The following TNFAIP8 variants were observed in gnomAD, a reference collection of about 807,000 sequenced individuals.
TNFAIP8 encodes tumor necrosis factor alpha-induced protein 8.
In TNFAIP8, 7 loss-of-function variants were observed where a neutral mutation model predicts 13.3. The observed-to-expected ratio is 0.52, with a 90% CI of 0.30 to 0.99. TNFAIP8 has a LOEUF of 0.99. Ranked by LOEUF, TNFAIP8 falls within the 50% of genes least tolerant of loss-of-function variation. The pLI, the probability that TNFAIP8 is intolerant of heterozygous loss-of-function variation, is 0.07. For missense variants in TNFAIP8, 258 were observed against 236.9 expected (o/e 1.09, Z -0.58); for synonymous variants, 94 against 87.6 (o/e 1.07, Z -0.41).
chr5:119,393,442 A>G lies in TNFAIP8; in HGVS notation c.*61A>G. On this transcript the variant is annotated 3_prime_UTR_variant, in exon 2 of 2. Transcript: ENST00000504771. ...TTTGAAGATGGAGCACTGCTGATTT[A>G]TGAAGGAAAAAAGAAGAATTTTCTA... The G allele has an allele frequency of 1.4e-6, 2 of 1,443,772 alleles. No homozygotes were observed. Among genetic ancestry groups the G allele is most frequent in the South Asian group, 2.7e-5 (2 of 74,084 alleles). 89.4% of individuals were successfully genotyped at this position (1,443,772 alleles called of 1,614,324 possible).
At chr5:119,313,253 AT>A (rs1244542557) in intron 1 of TNFAIP8, among the ~76,000 whole-genome samples, 1 of 152,238 alleles carries the variant, frequency 6.6e-6, no homozygotes, top group Non-Finnish European at 1.5e-5. Flanking sequence ...TCCAAAGAAA[AT>A]TCTTCTGCTT....
rs573384364 is a variant in TNFAIP8, at chr5:119,396,657, C to G, written c.*3276C>G. 122 of 152,162 alleles carry G rather than the reference C, an allele frequency of 8.0e-4. 1 individual carries two copies. The highest frequency in any genetic ancestry group is 2.6e-3 in the African/African-American group (110 of 41,514). The allele number at this position is 152,162 out of a possible 1,614,324, so 9.4% of individuals were successfully genotyped here. A position where few individuals can be genotyped will look rare whatever the true frequency, so the allele number is the denominator to read the frequency against. On this transcript the variant is annotated 3_prime_UTR_variant, in exon 2 of 2. Transcript: ENST00000504771. ...AGTTAAGTTAAGAAATAGCCTTTTT[C>G]TGATTATTAGGCCTTTCATATACAA...
At position 119,358,934 on chromosome 5, in the gene TNFAIP8, C is replaced by T. The variant is rs192504449; in HGVS notation, c.31+2813C>T. Among the ~76,000 whole-genome samples the T allele has an allele frequency of 4.0e-3, 602 of 152,232 alleles. 2 individuals are homozygous for T. Among genetic ancestry groups the T allele is most frequent in the African/African-American group, 0.014 (564 of 41,518 alleles). On this transcript the variant is annotated intron_variant, in intron 1 of 1. Coordinates refer to ENST00000504771, the MANE Select transcript of TNFAIP8 (RefSeq NM_014350.4). ...GATTGAGTGGTGAGTGAGTCTGGCT[C>T]GCTCCTCCATTGCCCATAGTAGCCA... is the stretch of plus-strand genomic sequence containing the variant.
intron 1 of TNFAIP8, among the ~76,000 whole-genome samples, chr5:119,384,889 G>A (rs1752614329): frequency 6.6e-6 from 1 of 152,184 alleles, no homozygotes. Context: ...CTGATATGAA[G>A]TTAGAGGAGT....
chr5:119,386,115 G>A (rs1186054305), intron 1 of TNFAIP8, among the ~76,000 whole-genome samples: 1 of 152,068 alleles, frequency 6.6e-6, no homozygotes, highest in African/African-American at 2.4e-5. Flanking sequence ...GTGCATTAAA[G>A]GTTCATACTG....
intron 1 of TNFAIP8, among the ~76,000 whole-genome samples, chr5:119,313,233 A>G (rs1016852887): frequency 6.6e-6 from 1 of 152,226 alleles, no homozygotes; most frequent in Non-Finnish European, 1.5e-5. Flanking sequence ...GTTCAAGACT[A>G]CTTAACAGCT....
intron 1 of TNFAIP8, among the ~76,000 whole-genome samples, chr5:119,308,666 C>G (rs936345573): frequency 6.6e-6 from 1 of 151,764 alleles, no homozygotes; most frequent in African/African-American, 2.4e-5. Flanking sequence ...AGTTGAAGAC[C>G]AGCCTTTCAG....
At chr5:119,286,121 G>A (rs2150807565) in intron 1 of TNFAIP8, among the ~76,000 whole-genome samples, 1 of 152,308 alleles carries the variant, frequency 6.6e-6, no homozygotes, top group East Asian at 1.9e-4. Flanking sequence ...TTCAGGTTTT[G>A]AGGCATTCTA....
At chr5:119,307,016 C>T (rs1471103119) in intron 1 of TNFAIP8, among the ~76,000 whole-genome samples, 1 of 152,118 alleles carries the variant, frequency 6.6e-6, no homozygotes, top group African/African-American at 2.4e-5. Context: ...TTGATTGGTA[C>T]AGCCCAATTT....
chr5:119,294,066 T>C (rs1279279771), intron 1 of TNFAIP8, among the ~76,000 whole-genome samples: 1 of 152,178 alleles, frequency 6.6e-6, no homozygotes, highest in African/African-American at 2.4e-5. Flanking sequence ...TTTATTATAC[T>C]TTAAGTTTTA....
intron 1 of TNFAIP8, among the ~76,000 whole-genome samples, chr5:119,289,423 G>T (rs1288805607): frequency 2.6e-5 from 4 of 152,212 alleles, no homozygotes; most frequent in Non-Finnish European, 4.4e-5. Flanking sequence ...GTAAGAGAAG[G>T]ACTGTGCTAG....
chr5:119,345,805 G>A (rs2112741226), intron 1 of TNFAIP8, among the ~76,000 whole-genome samples: 1 of 152,294 alleles, frequency 6.6e-6, no homozygotes, highest in East Asian at 1.9e-4. Flanking sequence ...GTACAACAAT[G>A]TGAATGTACT....
chr5:119,289,815 T>C (rs901883687), intron 1 of TNFAIP8, among the ~76,000 whole-genome samples: 1 of 152,202 alleles, frequency 6.6e-6, no homozygotes, highest in African/African-American at 2.4e-5. Context: ...TCTCTCTATA[T>C]TTTTGGCAGT....
intron 1 of TNFAIP8, among the ~76,000 whole-genome samples, chr5:119,368,737 C>T (rs532077357): frequency 2.8e-4 from 43 of 152,160 alleles, no homozygotes; most frequent in African/African-American, 9.4e-4. Flanking sequence ...GGACATTTTT[C>T]GGGACCCAAC....
At chr5:119,388,849 G>T (rs1168255049) in intron 1 of TNFAIP8, among the ~76,000 whole-genome samples, 2 of 147,088 alleles carry the variant, frequency 1.4e-5, no homozygotes, top group African/African-American at 5.1e-5. Context: ...TTGCTATGTT[G>T]CCCAGGCTGG....
At chr5:119,306,256 C>A (rs531725438) in intron 1 of TNFAIP8, 83 of 152,008 alleles carry the variant, frequency 5.5e-4, no homozygotes, top group Admixed American at 1.5e-3. Context: ...TTGATCCTTA[C>A]ATTTCCTTCT....
At chr5:119,278,797 T>C (rs1190903818) in intron 1 of TNFAIP8, among the ~76,000 whole-genome samples, 1 of 152,088 alleles carries the variant, frequency 6.6e-6, no homozygotes, top group Non-Finnish European at 1.5e-5. Context: ...CAAATAATAA[T>C]ATGGAAGGTG....
Position 119,360,145 on chromosome 5 carries a change from A to C in TNFAIP8, c.31+4024A>C, listed in dbSNP as rs1327798719. Among the ~76,000 whole-genome samples, 5 of 152,152 alleles carry C rather than the reference A, an allele frequency of 3.3e-5. No homozygotes were observed. In the East Asian group the frequency reaches 9.6e-4, roughly 29 times the overall value. On this transcript the variant is annotated intron_variant, in intron 1 of 1. Transcript: ENST00000504771. Reference sequence around the variant, plus strand: ...ACCTTTCTTGCCCCCACCTTACGCCATTGAACAGTCAGGATTATATGGATG... The same window carrying C: ...ACCTTTCTTGCCCCCACCTTACGCCCTTGAACAGTCAGGATTATATGGATG...
At chr5:119,363,144 C>A (rs1047825121) in intron 1 of TNFAIP8, among the ~76,000 whole-genome samples, 1 of 152,186 alleles carries the variant, frequency 6.6e-6, no homozygotes, top group Admixed American at 6.5e-5. Flanking sequence ...ACAAGGAGAG[C>A]ATGGGGCCTT....
Sources: allele counts gnomAD v4.1 joint callset (sites outside exome capture counted in the v4.1 genomes callset), GRCh38; gene constraint gnomAD v4.1.1; transcripts MANE v1.5; gene names NCBI Gene and HGNC (gene_info 2026-07-23, HGNC 2026-07-21).